NAALADL2: variants seen among roughly 807,000 people sequenced by gnomAD.
NAALADL2 encodes inactive N-acetylated-alpha-linked acidic dipeptidase-like protein 2.
Under a neutral mutation model 87.2 loss-of-function variants are expected in NAALADL2, and 76 were observed. The observed-to-expected ratio is 0.87, with a 90% CI of 0.72 to 1.05. The LOEUF (loss-of-function observed/expected upper bound fraction) is 1.05, where lower values mean the gene tolerates loss of function less well. NAALADL2 is among the 50% of genes least tolerant of loss of function. NAALADL2 has a pLI of 0.00. For missense variants in NAALADL2, 1,089 were observed against 945.8 expected (o/e 1.15, Z -1.99); for synonymous variants, 354 against 331.0 (o/e 1.07, Z -0.75).
chr3:175,199,706 C>T (rs991945702), intron 2 of NAALADL2, among the ~76,000 whole-genome samples: 3 of 149,798 alleles, frequency 2.0e-5, no homozygotes, highest in Non-Finnish European at 4.4e-5. Context: ...AGCTTTACTC[C>T]TAGTTTCTCT....
At chr3:175,335,902 G>C (rs1761920388) in intron 5 of NAALADL2, among the ~76,000 whole-genome samples, 1 of 152,094 alleles carries the variant, frequency 6.6e-6, no homozygotes, top group Non-Finnish European at 1.5e-5. Flanking sequence ...TAAAAGTGAG[G>C]CTTTGGTCGC....
intron 2 of NAALADL2, among the ~76,000 whole-genome samples, chr3:174,638,856 T>C (rs1722906707): frequency 6.6e-6 from 1 of 152,254 alleles, no homozygotes; most frequent in South Asian, 2.1e-4. Context: ...AAACCATGTG[T>C]AAAGAACGTG....
At chr3:175,651,301 G>T (rs536422586) in intron 11 of NAALADL2, among the ~76,000 whole-genome samples, 6 of 152,156 alleles carry the variant, frequency 3.9e-5, no homozygotes, top group African/African-American at 1.4e-4. Context: ...CTTTTCAAGG[G>T]TATTATAAGA....
At chr3:175,280,726 A>G (rs1443636735) in intron 4 of NAALADL2, among the ~76,000 whole-genome samples, 1 of 152,020 alleles carries the variant, frequency 6.6e-6, no homozygotes, top group Non-Finnish European at 1.5e-5. Context: ...CAAACAGTGT[A>G]TAATCAAAGC....
chr3:175,255,737 A>G (rs1197717542), intron 3 of NAALADL2, among the ~76,000 whole-genome samples: 2 of 152,118 alleles, frequency 1.3e-5, no homozygotes, highest in Non-Finnish European at 2.9e-5. Flanking sequence ...TTGCATTAAC[A>G]CAGAGGACTT....
chr3:175,481,055 C>T lies in NAALADL2; in HGVS notation c.1653+9297C>T, dbSNP rs535836077. 1.6e-3 allele frequency among the ~76,000 whole-genome samples: 236 copies of T among 151,780 alleles called. 2 individuals are homozygous for T. Among genetic ancestry groups the T allele is most frequent in the African/African-American group, 5.3e-3 (221 of 41,460 alleles). ...TTATGTCGTTACCTAAAGGGAAATG[C>T]GATCTGTAATTTTTTCCTTTTAAAA... On this transcript the variant is annotated intron_variant, in intron 9 of 13. Coordinates refer to ENST00000454872, the MANE Select transcript of NAALADL2 (RefSeq NM_207015.3).
intron 2 of NAALADL2, among the ~76,000 whole-genome samples, chr3:175,195,025 T>TTCTCTC (rs199512057): frequency 4.0e-5 from 6 of 149,470 alleles, no homozygotes; most frequent in Admixed American, 4.0e-4. Context: ...TAATTTTTAA[T>TTCTCTC]TCTCTCTCTC....
chr3:174,640,026 G>A (rs1048866434), intron 2 of NAALADL2, among the ~76,000 whole-genome samples: 1 of 152,058 alleles, frequency 6.6e-6, no homozygotes, highest in African/African-American at 2.4e-5. Flanking sequence ...GCTGTGTTTT[G>A]TAACTTGTAA....
intron 2 of NAALADL2, among the ~76,000 whole-genome samples, chr3:175,184,637 C>T (rs910377350): frequency 4.0e-5 from 6 of 151,796 alleles, no homozygotes; most frequent in Admixed American, 1.3e-4. Context: ...CTTTGTAGTG[C>T]TTTATAGATT....
intron 1 of NAALADL2, among the ~76,000 whole-genome samples, chr3:174,978,067 G>C (rs1337800552): frequency 6.6e-6 from 1 of 152,188 alleles, no homozygotes; most frequent in Non-Finnish European, 1.5e-5. Context: ...GAGGAAACAA[G>C]CGTAGAAAAA....
chr3:174,859,080 AAT>A (rs1726164170), upstream of NAALADL2, among the ~76,000 whole-genome samples: 1 of 152,142 alleles, frequency 6.6e-6, no homozygotes. Flanking sequence ...TGGTAATATC[AAT>A]GCTCTTTTAG....
chr3:174,825,992 A>C (rs1251365698), intron 3 of NAALADL2, among the ~76,000 whole-genome samples: 1 of 152,020 alleles, frequency 6.6e-6, no homozygotes, highest in African/African-American at 2.4e-5. Flanking sequence ...GCGCCACTGC[A>C]CTCCAGCCTG....
chr3:175,108,621 GT>G (rs1412200121), intron 2 of NAALADL2, among the ~76,000 whole-genome samples: 1 of 151,874 alleles, frequency 6.6e-6, no homozygotes, highest in Non-Finnish European at 1.5e-5. Flanking sequence ...AGATCAGCTT[GT>G]ACCAATATTG....
chr3:175,005,408 AT>A (rs1748883753), intron 1 of NAALADL2, among the ~76,000 whole-genome samples: 1 of 152,166 alleles, frequency 6.6e-6, no homozygotes, highest in African/African-American at 2.4e-5. Context: ...ATAATAACCT[AT>A]TTTTATTTTT....
chr3:174,865,324 T>C (rs1727019190), intron 1 of NAALADL2, among the ~76,000 whole-genome samples: 1 of 152,046 alleles, frequency 6.6e-6, no homozygotes, highest in Non-Finnish European at 1.5e-5. Flanking sequence ...TGTTAAACCA[T>C]ACAATCAACT....
At chr3:174,675,752 G>A (rs1726982933) in intron 2 of NAALADL2, among the ~76,000 whole-genome samples, 1 of 151,950 alleles carries the variant, frequency 6.6e-6, no homozygotes, top group South Asian at 2.1e-4. Flanking sequence ...ACCATGTTAA[G>A]TGAAGGAAAA....
chr3:175,177,099 AG>A (rs1735798318), intron 2 of NAALADL2, among the ~76,000 whole-genome samples: 1 of 152,092 alleles, frequency 6.6e-6, no homozygotes, highest in African/African-American at 2.4e-5. Flanking sequence ...CTAGTAAGAA[AG>A]AACCATTTCC....
chr3:174,884,266 A>T (rs1050005950), intron 1 of NAALADL2, among the ~76,000 whole-genome samples: 1 of 152,182 alleles, frequency 6.6e-6, no homozygotes, highest in African/African-American at 2.4e-5. Context: ...GCCATGAAAG[A>T]AACAGTACCA....
chr3:174,584,348 G>A (rs995845808), intron 2 of NAALADL2, among the ~76,000 whole-genome samples: 1 of 152,048 alleles, frequency 6.6e-6, no homozygotes. Flanking sequence ...ACTAGCAGAT[G>A]CAGTGCATGT....
Sources: gnomAD v4.1 joint callset for allele counts (sites outside exome capture counted in the v4.1 genomes callset) on GRCh38, gnomAD v4.1.1 for gene constraint, MANE v1.5 for transcripts, NCBI Gene and HGNC (gene_info 2026-07-23, HGNC 2026-07-21) for gene names.